Variants in C5 observed in about 807,000 individuals in gnomAD.
C5 encodes complement C5, also known as C3 and PZP-like alpha-2-macroglobulin domain-containing protein 4.
C5 carries 140 observed loss-of-function variants against 218.8 expected under a neutral mutation model. That is an observed-to-expected ratio of 0.64 (90% CI 0.56 to 0.74). The LOEUF is 0.74. Among genes scored for constraint, C5 ranks in the 30% least tolerant of loss-of-function variants. The probability of loss-of-function intolerance (pLI) is 0.00; values close to 1 mark genes in which losing one functional copy is unlikely to be tolerated. For missense variants in C5, 1,700 were observed against 1,969.6 expected, an observed-to-expected ratio of 0.86 and a Z score of 2.59; for synonymous variants, 614 against 682.3, an observed-to-expected ratio of 0.90 and a Z score of 1.56.
At chr9:120,975,061 T>C (rs1449176539) in intron 29 of C5, 130 bp from the exon 30 acceptor site, 2 of 979,976 alleles carry the variant, frequency 2.0e-6, no homozygotes, top group African/African-American at 1.6e-5. Flanking sequence ...TCAGTAAGAC[T>C]GGTTAAGAGC....
intron 17 of C5, among the ~76,000 whole-genome samples, chr9:121,012,567 T>A (rs1383540254): frequency 6.6e-6 from 1 of 152,120 alleles, no homozygotes; most frequent in Admixed American, 6.6e-5. Context: ...AATCTGAATC[T>A]TAGACACTGT....
At chr9:120,975,988 C>T (rs887469857) in intron 29 of C5, among the ~76,000 whole-genome samples, 1 of 152,140 alleles carries the variant, frequency 6.6e-6, no homozygotes, top group Non-Finnish European at 1.5e-5. Flanking sequence ...ATATCTGTGG[C>T]GGCAAATGCT....
chr9:120,979,921 T>C (rs779157644), intron 28 of C5, among the ~76,000 whole-genome samples, 162 bp downstream of exon 28: 2 of 152,110 alleles, frequency 1.3e-5, no homozygotes, highest in Non-Finnish European at 2.9e-5. Flanking sequence ...CATGAATAAA[T>C]GAATGAATAA....
intron 5 of C5, among the ~76,000 whole-genome samples, chr9:121,032,565 G>A (rs949353597): frequency 3.9e-5 from 6 of 152,052 alleles, no homozygotes; most frequent in Admixed American, 2.6e-4. Context: ...CCATAATAAC[G>A]TCTCTAGAAA....
chr9:120,978,210 T>G (rs1458821528), intron 28 of C5, among the ~76,000 whole-genome samples: 1 of 152,210 alleles, frequency 6.6e-6, no homozygotes, highest in Non-Finnish European at 1.5e-5. Context: ...TTTAAACCTG[T>G]AAACCTCAAA....
At chr9:121,028,924 A>G (rs1049282440) in intron 7 of C5, among the ~76,000 whole-genome samples, 1 of 152,170 alleles carries the variant, frequency 6.6e-6, no homozygotes, top group Non-Finnish European at 1.5e-5. Context: ...AGATGAAAAA[A>G]ATTGATCTTG....
At chr9:120,987,255 G>A (rs1359496610) in intron 25 of C5, among the ~76,000 whole-genome samples, 6 of 152,120 alleles carry the variant, frequency 3.9e-5, no homozygotes, top group Non-Finnish European at 8.8e-5. Context: ...TGGCCTAGAT[G>A]TTATGGAAAT....
intron 12 of C5, among the ~76,000 whole-genome samples, chr9:121,018,829 A>G (rs2047339397): frequency 6.6e-6 from 1 of 152,034 alleles, no homozygotes; most frequent in Non-Finnish European, 1.5e-5. Context: ...TTATGGGCCT[A>G]CTATGTGCCA....
At chr9:121,050,389 A>G, upstream of C5, 1 of 725,290 alleles carries the variant, frequency 1.4e-6, no homozygotes, top group Non-Finnish European at 2.5e-6. Flanking sequence ...CTAGAATTGG[A>G]ACTAAAACAC....
chr9:121,027,199 A>T lies in C5; in HGVS notation c.834T>A (p.Asp278Glu). The change falls in exon 8 of 41, where the codon GAT (aspartate) becomes GAA (glutamate). Residue 278 changes from aspartate to glutamate, a missense_variant. Coordinates refer to ENST00000223642, the MANE Select transcript of C5 (RefSeq NM_001735.3). ...TFGIREDLKD[D>E]QKEMMQTAMQ... ...TTGCTGTTTGCATCATTTCTTTTTG[A>T]TCATCTTTTAAGTCTTCTCTTATTC... The T allele has an allele frequency of 6.2e-7, 1 of 1,601,564 alleles. No homozygotes were observed. The highest frequency in any genetic ancestry group is 8.5e-7 in the Non-Finnish European group (1 of 1,170,582).
chr9:120,973,544 T>G (rs915663273), intron 30 of C5, among the ~76,000 whole-genome samples: 11 of 152,234 alleles, frequency 7.2e-5, no homozygotes, highest in African/African-American at 2.7e-4. Context: ...TTCAGGTCTT[T>G]TGGTTTATCA....
At chr9:120,966,829 A>C (rs1440558268) in intron 33 of C5, among the ~76,000 whole-genome samples, 2 of 152,202 alleles carry the variant, frequency 1.3e-5, no homozygotes, top group African/African-American at 2.4e-5. Flanking sequence ...GGAAGGAAAT[A>C]GGGCTGAATA....
At chr9:121,029,966 C>T (rs1443609601) in intron 7 of C5, among the ~76,000 whole-genome samples, 1 of 152,174 alleles carries the variant, frequency 6.6e-6, no homozygotes, top group Non-Finnish European at 1.5e-5. Flanking sequence ...CTGACACCAG[C>T]CTGGCCCAGA....
At chr9:121,064,223 T>G in the C5 span, among the ~76,000 whole-genome samples, 2 of 152,170 alleles carry the variant, frequency 1.3e-5, no homozygotes, top group Non-Finnish European at 2.9e-5. Context: ...GTATTTGAGA[T>G]TTTATGTTTT....
the C5 span, among the ~76,000 whole-genome samples, chr9:121,059,835 C>T: frequency 6.6e-6 from 1 of 152,230 alleles, no homozygotes; most frequent in Admixed American, 6.5e-5. This position sits in a 1 kb window ranked among gnomAD's most constrained non-coding sequence, Gnocchi z 4.1. Context: ...CCACGGCCTC[C>T]CGCCCAGAGC....
intron 21 of C5, 124 bp downstream of exon 21, chr9:120,997,420 ACCT>A (rs1359542147): frequency 5.5e-6 from 4 of 729,786 alleles, no homozygotes; most frequent in Non-Finnish European, 9.1e-6. Flanking sequence ...ATCTGGAATA[ACCT>A]CCATCCAGTT....
Position 120,971,961 on chromosome 9 carries a change from G to A in C5, c.4049C>T (p.Thr1350Ile), listed in dbSNP as rs1333045587. The change falls in exon 31 of 41, where the codon ACA becomes ATA. Residue 1350 changes from threonine to isoleucine, a missense_variant. Thr to Ile is a moderately conservative substitution (Grantham distance 89). Transcript: ENST00000223642. ...TGTAGCCAAGCCACTGCCAAATCCT[G>A]TACTGACAATGAGGTCATCATTGAG... ...VLLNDDLIVSTGFGSGLATVH... is the reference protein window; with the variant it reads ...VLLNDDLIVSIGFGSGLATVH... 1 of 1,613,088 alleles carries A rather than the reference G, an allele frequency of 6.2e-7. No homozygotes were observed. Among genetic ancestry groups the A allele is most frequent in the African/African-American group, 1.3e-5 (1 of 74,876 alleles).
At chr9:121,055,775 A>G in the C5 span, among the ~76,000 whole-genome samples, 3 of 152,148 alleles carry the variant, frequency 2.0e-5, no homozygotes, top group East Asian at 1.9e-4. Context: ...GTGAGCCCCA[A>G]TACAGAGCTG....
Position 120,962,677 on chromosome 9 carries a change from T to G in C5, c.4498A>C (p.Arg1500=). The change falls in exon 36 of 41, where the codon AGA becomes CGA. Residue 1500 remains arginine (R), a synonymous_variant. Coordinates refer to ENST00000223642, the MANE Select transcript of C5 (RefSeq NM_001735.3). ...TTAGCATGGAGTTGATTACCTGGTC[T>G]GTGGTATTCGTACACTGTGAAAGTG... ...PATFTVYEYH[R]PDKQCTMFYS... is the part of the protein sequence containing the mutation. 19 of 1,603,770 alleles carry G rather than the reference T, an allele frequency of 1.2e-5. No individual in the cohort carries two copies. Among genetic ancestry groups the G allele is most frequent in the Non-Finnish European group, 1.6e-5 (19 of 1,170,532 alleles).
Sources: gnomAD v4.1 joint callset for allele counts (sites outside exome capture counted in the v4.1 genomes callset) on GRCh38, gnomAD v4.1.1 for gene constraint, Gnocchi (gnomAD v3.1) non-coding constraint, MANE v1.5 for transcripts, NCBI Gene and HGNC (gene_info 2026-07-23, HGNC 2026-07-21) for gene names.